CAMK1D: variants seen among roughly 807,000 people sequenced by gnomAD.
The protein encoded by CAMK1D is calcium/calmodulin-dependent protein kinase type 1D.
A neutral mutation model predicts 47.7 loss-of-function variants in CAMK1D; 9 were observed. The observed-to-expected ratio is 0.19, with a 90% CI of 0.11 to 0.33. The LOEUF (loss-of-function observed/expected upper bound fraction) is 0.33. Among genes scored for constraint, CAMK1D ranks in the 10% least tolerant of loss-of-function variants. The pLI is 1.00. For synonymous variants in CAMK1D, 184 were observed against 184.9 expected (o/e 0.99, Z 0.04); for missense variants, 291 against 488.7 (o/e 0.60, Z 3.81).
intron 1 of CAMK1D, among the ~76,000 whole-genome samples, chr10:12,393,894 A>G (rs944402249): frequency 1.3e-5 from 2 of 152,164 alleles, no homozygotes; most frequent in Non-Finnish European, 2.9e-5. Flanking sequence ...CTCATTAAGC[A>G]GTTCTCCAGT....
At chr10:12,763,146 C>T (rs1023230220) in intron 4 of CAMK1D, among the ~76,000 whole-genome samples, 1 of 152,098 alleles carries the variant, frequency 6.6e-6, no homozygotes, top group Non-Finnish European at 1.5e-5. Flanking sequence ...CCGGGCCTGT[C>T]GTTACGTAAA....
intron 3 of CAMK1D, among the ~76,000 whole-genome samples, chr10:12,737,239 G>C (rs921446012): frequency 3.3e-5 from 5 of 151,852 alleles, no homozygotes; most frequent in Admixed American, 3.3e-4. Flanking sequence ...CCTGTCCTGG[G>C]CTGGCCTTGA....
At chr10:12,647,447 C>A (rs1426447199) in intron 2 of CAMK1D, among the ~76,000 whole-genome samples, 1 of 152,178 alleles carries the variant, frequency 6.6e-6, no homozygotes, top group East Asian at 1.9e-4. Context: ...CCTCACCCAG[C>A]CCTCCGCCTA....
At chr10:12,778,055 G>A (rs1837340123) in intron 5 of CAMK1D, among the ~76,000 whole-genome samples, 1 of 152,204 alleles carries the variant, frequency 6.6e-6, no homozygotes, top group African/African-American at 2.4e-5. Context: ...AGAAATGTGT[G>A]AATAAAGATG....
intron 1 of CAMK1D, among the ~76,000 whole-genome samples, chr10:12,448,208 T>A (rs1179211027): frequency 6.6e-6 from 1 of 151,670 alleles, no homozygotes; most frequent in Non-Finnish European, 1.5e-5. Flanking sequence ...TTTATTTATT[T>A]ATTTTTTTGT....
At chr10:12,772,627 G>A (rs564773316) in intron 5 of CAMK1D, among the ~76,000 whole-genome samples, 1 of 152,336 alleles carries the variant, frequency 6.6e-6, no homozygotes, top group East Asian at 1.9e-4. Context: ...GTTGATTGCT[G>A]TGTCTGGCAC....
chr10:12,465,074 C>T (rs1012566490), intron 1 of CAMK1D, among the ~76,000 whole-genome samples: 2 of 152,112 alleles, frequency 1.3e-5, no homozygotes, highest in African/African-American at 4.8e-5. Context: ...TGTCCGTCAC[C>T]CATAAAGCAC....
chr10:12,695,208 A>T (rs922868754), intron 3 of CAMK1D, among the ~76,000 whole-genome samples: 2 of 152,192 alleles, frequency 1.3e-5, no homozygotes, highest in African/African-American at 2.4e-5. Context: ...ACAAGAAAAG[A>T]TCCCATTAAA....
intron 1 of CAMK1D, among the ~76,000 whole-genome samples, chr10:12,408,093 C>T (rs979166205): frequency 4.6e-5 from 7 of 151,914 alleles, no homozygotes; most frequent in African/African-American, 1.2e-4. Context: ...CCTCACCTCA[C>T]GTGATCCACC....
In CAMK1D at chr10:12,647,380, C is replaced by T. The variant is rs192808678; in HGVS notation, c.225-19356C>T. Among the ~76,000 whole-genome samples, 907 of 151,880 alleles carry T rather than the reference C, an allele frequency of 6.0e-3. 5 individuals are homozygous for T. The highest frequency in any genetic ancestry group is 0.02 in the African/African-American group (841 of 41,430). The stretch of plus-strand genomic sequence containing the variant: ...GCCAGGCTGGTCTCGAACTCTTGAC[C>T]TCAAGTGACCCACGTGCCTCGGCCT... On this transcript the variant is annotated intron_variant, in intron 2 of 10. Coordinates refer to ENST00000619168, the MANE Select transcript of CAMK1D (RefSeq NM_153498.4).
intron 1 of CAMK1D, among the ~76,000 whole-genome samples, chr10:12,398,235 C>G (rs553515621): frequency 6.6e-6 from 1 of 151,874 alleles, no homozygotes; most frequent in African/African-American, 2.4e-5. Context: ...ATATTCTATT[C>G]TCATAGAATT....
intron 1 of CAMK1D, among the ~76,000 whole-genome samples, chr10:12,527,743 G>C (rs1289743694): frequency 1.3e-5 from 2 of 152,176 alleles, no homozygotes; most frequent in African/African-American, 4.8e-5. Context: ...CTTACCAGTG[G>C]ATACTTCTTC....
intron 4 of CAMK1D, among the ~76,000 whole-genome samples, chr10:12,766,122 C>T (rs966380078): frequency 2.0e-5 from 3 of 151,928 alleles, no homozygotes; most frequent in African/African-American, 7.2e-5. Context: ...TGTGCCACCA[C>T]GCCCGGCTAG....
chr10:12,357,482 A>G (rs922989570), intron 1 of CAMK1D, among the ~76,000 whole-genome samples: 3 of 151,946 alleles, frequency 2.0e-5, no homozygotes, highest in African/African-American at 7.3e-5. Context: ...CGCCCAGCTA[A>G]TTTTTGTATT....
chr10:12,394,018 T>C (rs1234668339), intron 1 of CAMK1D, among the ~76,000 whole-genome samples: 2 of 152,192 alleles, frequency 1.3e-5, no homozygotes, highest in Non-Finnish European at 2.9e-5. Context: ...CCCCCTCCGC[T>C]TCAGACGCCA....
At chr10:12,725,686 GGA>G (rs1167234776) in intron 3 of CAMK1D, among the ~76,000 whole-genome samples, 2 of 152,178 alleles carry the variant, frequency 1.3e-5, no homozygotes, top group Non-Finnish European at 2.9e-5. Context: ...TGCTTCTGTG[GGA>G]GAAGGAATGC....
At chr10:12,454,126 G>A (rs1833169984) in intron 1 of CAMK1D, among the ~76,000 whole-genome samples, 1 of 152,246 alleles carries the variant, frequency 6.6e-6, no homozygotes, top group South Asian at 2.1e-4. Flanking sequence ...TATATTATGT[G>A]GACAGCAGGT....
chr10:12,454,716 G>C (rs985252284), intron 1 of CAMK1D, among the ~76,000 whole-genome samples: 1 of 151,070 alleles, frequency 6.6e-6, no homozygotes, highest in Admixed American at 6.6e-5. Context: ...TCCTGCCTCA[G>C]CCCCTAAAAG....
chr10:12,362,735 C>T (rs1588405492), intron 1 of CAMK1D, among the ~76,000 whole-genome samples: 1 of 152,178 alleles, frequency 6.6e-6, no homozygotes, highest in Non-Finnish European at 1.5e-5. Flanking sequence ...TAGTCGCGAT[C>T]TCCTGACCTC....
Sources: gnomAD v4.1 joint callset for allele counts (sites outside exome capture counted in the v4.1 genomes callset) on GRCh38, gnomAD v4.1.1 for gene constraint, MANE v1.5 for transcripts, NCBI Gene and HGNC (gene_info 2026-07-23, HGNC 2026-07-21) for gene names.